Variants in PSMA8 observed in about 807,000 individuals in gnomAD.
PSMA8 encodes proteasome subunit alpha-type 8.
A neutral mutation model predicts 32.4 loss-of-function variants in PSMA8; 18 were observed. The ratio of observed to expected loss-of-function variants is 0.56; its 90% confidence interval spans 0.38 to 0.82. The LOEUF (loss-of-function observed/expected upper bound fraction) is 0.82, where lower values mean the gene tolerates loss of function less well. Ranked by LOEUF, PSMA8 falls within the 40% of genes least tolerant of loss-of-function variation. The pLI, the probability that PSMA8 is intolerant of heterozygous loss-of-function variation, is 0.00. For synonymous variants in PSMA8, 104 were observed against 98.1 expected, an observed-to-expected ratio of 1.06 and a Z score of -0.36; for missense variants, 298 against 300.7, an observed-to-expected ratio of 0.99 and a Z score of 0.07.
At chr18:26,157,322 G>C (rs2055097844) in intron 3 of PSMA8, among the ~76,000 whole-genome samples, 1 of 151,650 alleles carries the variant, frequency 6.6e-6, no homozygotes, top group Non-Finnish European at 1.5e-5. Flanking sequence ...GGAGGCCAGG[G>C]CAGGCAGATC....
At chr18:26,188,723 C>T (rs2055377031) in intron 6 of PSMA8, among the ~76,000 whole-genome samples, 1 of 152,054 alleles carries the variant, frequency 6.6e-6, no homozygotes, top group Admixed American at 6.6e-5. Context: ...GACAGAGGTG[C>T]TAAGAACATA....
chr18:26,158,132 A>G lies in PSMA8; in HGVS notation c.365A>G (p.Gln122Arg), dbSNP rs986973588. ...FIATLKQKYT[Q>R]SNGRRPFGIS... Reference sequence around the variant, plus strand: ...GTTTTATTTTTCTAGAAATATACCCAAAGCAATGGACGAAGACCTTTTGGT... The same window carrying G: ...GTTTTATTTTTCTAGAAATATACCCGAAGCAATGGACGAAGACCTTTTGGT... The change falls in exon 4 of 7, where the codon CAA (glutamine) becomes CGA (arginine). Residue 122 changes from glutamine (Q) to arginine (R), a missense_variant. By Grantham distance (43) the Gln-to-Arg change is conservative. Transcript: ENST00000415576. 6.3e-7 allele frequency: 1 copy of G among 1,586,640 alleles called. No homozygotes were observed. The highest frequency in any genetic ancestry group is 1.3e-5 in the African/African-American group (1 of 74,256).
intron 4 of PSMA8, among the ~76,000 whole-genome samples, chr18:26,165,021 G>T (rs1391546627): frequency 2.6e-5 from 4 of 151,946 alleles, no homozygotes; most frequent in Non-Finnish European, 4.4e-5. Flanking sequence ...AGGTTCAAGC[G>T]ATTCTTCTGC....
At chr18:26,190,156 G>A (rs2055389829) in intron 6 of PSMA8, among the ~76,000 whole-genome samples, 1 of 152,090 alleles carries the variant, frequency 6.6e-6, no homozygotes, top group African/African-American at 2.4e-5. Flanking sequence ...AAGGGTAGTG[G>A]GGGGCAGGGG....
Position 26,158,056 on chromosome 18 carries a change from TTTA to T in PSMA8, c.355-59_355-57del, listed in dbSNP as rs369479072. 279 of 1,134,000 alleles carry T rather than the reference TTTA, an allele frequency of 2.5e-4. No homozygotes were observed. In the African/African-American group the frequency reaches 3.6e-3, roughly 14 times the overall value. The allele number at this position is 1,134,000 out of a possible 1,614,324, so 70.2% of individuals were successfully genotyped here. ...AAGTGGATCATTTGGGCAGCAATGC[TTTA>T]TTATTAGAATTTTTATTTTGTAACT... On this transcript the variant is annotated intron_variant, in intron 3 of 6. Transcript: ENST00000415576.
At chr18:26,184,577 A>C (rs143655837) in intron 6 of PSMA8, among the ~76,000 whole-genome samples, 6 of 149,478 alleles carry the variant, frequency 4.0e-5, no homozygotes, top group African/African-American at 1.5e-4. Context: ...GTTCGAGACC[A>C]GCCTGACCAA....
chr18:26,173,547 G>T (rs970497208), intron 4 of PSMA8, among the ~76,000 whole-genome samples: 5 of 150,908 alleles, frequency 3.3e-5, no homozygotes, highest in African/African-American at 1.2e-4. Context: ...TGAGTGCAGG[G>T]ATTTTTGTCT....
intron 4 of PSMA8, among the ~76,000 whole-genome samples, chr18:26,178,272 T>C (rs1568068795): frequency 6.6e-6 from 1 of 151,984 alleles, no homozygotes; most frequent in Non-Finnish European, 1.5e-5. Context: ...GGAGACATTA[T>C]ATTAATAGAA....
intron 2 of PSMA8, among the ~76,000 whole-genome samples, chr18:26,148,667 A>G (rs2055022468): frequency 6.6e-6 from 1 of 152,186 alleles, no homozygotes; most frequent in African/African-American, 2.4e-5. Flanking sequence ...TCTTAGCCAG[A>G]GCAGTTAGGA....
chr18:26,178,913 T>G lies in PSMA8; in HGVS notation c.561T>G (p.Ser187Arg). Residue 187 changes from serine to arginine, a missense_variant, in exon 5 of 7, where the codon AGT becomes AGG. Transcript: ENST00000415576. ...NYTEDAIASD[S>R]EAIKLAIKAL... ...CAGAAGATGCCATAGCAAGTGACAGTGAAGCTATCAAGTTAGCAATAAAAG... is the reference window on the plus strand; with the variant it reads ...CAGAAGATGCCATAGCAAGTGACAGGGAAGCTATCAAGTTAGCAATAAAAG... 1.2e-6 allele frequency: 2 copies of G among 1,613,756 alleles called. No homozygotes were observed. Among genetic ancestry groups the G allele is most frequent in the Non-Finnish European group, 8.5e-7 (1 of 1,179,728 alleles).
Position 26,179,218 on chromosome 18 carries a change from T to C in PSMA8, c.660+88T>C, listed in dbSNP as rs922817805. On this transcript the variant is annotated intron_variant, in intron 6 of 6. Transcript: ENST00000415576. ...AAGTTGTTGGCCTCTAGGCTTCCGA[T>C]ATAATGTTATCCTTCATTAATGTCA... 9.0e-6 allele frequency: 8 copies of C among 891,122 alleles called. 1 individual carries two copies. The highest frequency in any genetic ancestry group is 1.1e-5 in the Non-Finnish European group (6 of 562,282). The allele number at this position is 891,122 out of a possible 1,614,324, so 55.2% of individuals were successfully genotyped here.
Position 26,192,416 on chromosome 18 carries a change from T to C in PSMA8, c.*5T>C, listed in dbSNP as rs755530570. ...AAATCAAAGAAATCTGTCTAATTCT[T>C]AGGATGACCACTGGGAGGTCTTAAT... On this transcript the variant is annotated 3_prime_UTR_variant, in exon 7 of 7. Transcript: ENST00000415576. 2 of 1,524,940 alleles carry C rather than the reference T, an allele frequency of 1.3e-6. No homozygotes were observed. Among genetic ancestry groups the C allele is most frequent in the South Asian group, 2.7e-5 (2 of 73,882 alleles). The allele number at this position is 1,524,940 out of a possible 1,614,324, so 94.5% of individuals were successfully genotyped here.
rs796899114 is a variant in PSMA8, at chr18:26,139,295, T to C, written c.102+5228T>C. Among the ~76,000 whole-genome samples, 7 of 152,286 alleles carry C rather than the reference T, an allele frequency of 4.6e-5. 1 individual carries two copies. Among genetic ancestry groups the C allele is most frequent in the African/African-American group, 1.7e-4 (7 of 41,560 alleles). On this transcript the variant is annotated intron_variant, in intron 1 of 6. Coordinates refer to ENST00000415576, the MANE Select transcript of PSMA8 (RefSeq NM_001025096.2). ...AGGGAAACATTTGTTCAAAATCTAGTAGGGAACTGAGATCCTTAGTCCAAC... is the reference window on the plus strand; with the variant it reads ...AGGGAAACATTTGTTCAAAATCTAGCAGGGAACTGAGATCCTTAGTCCAAC...
intron 4 of PSMA8, among the ~76,000 whole-genome samples, chr18:26,172,480 G>A (rs2055230329): frequency 6.6e-6 from 1 of 152,138 alleles, no homozygotes; most frequent in African/African-American, 2.4e-5. Flanking sequence ...ATAATTTTCT[G>A]ACCCCTAGAC....
chr18:26,156,603 A>T (rs1423742344), intron 3 of PSMA8, among the ~76,000 whole-genome samples: 2 of 151,084 alleles, frequency 1.3e-5, no homozygotes, highest in East Asian at 3.9e-4. Context: ...TGGACACTAA[A>T]AAAGTTGTGT....
At chr18:26,179,609 A>G (rs193048952) in intron 6 of PSMA8, among the ~76,000 whole-genome samples, 8 of 152,302 alleles carry the variant, frequency 5.3e-5, no homozygotes, top group African/African-American at 1.9e-4. Flanking sequence ...CTGGACTACA[A>G]AATAAAATGT....
intron 6 of PSMA8, among the ~76,000 whole-genome samples, chr18:26,188,439 G>A (rs1258310378): frequency 1.3e-5 from 2 of 151,114 alleles, no homozygotes; most frequent in Middle Eastern, 3.4e-3. Flanking sequence ...CAGATTCAAT[G>A]CAATCCCTGC....
intron 1 of PSMA8, among the ~76,000 whole-genome samples, chr18:26,136,942 T>C (rs1373145919): frequency 6.6e-6 from 1 of 152,232 alleles, no homozygotes; most frequent in Non-Finnish European, 1.5e-5. Flanking sequence ...CATTTATAGC[T>C]TGCTGAAAGT....
At chr18:26,150,368 A>C (rs2055035786) in intron 2 of PSMA8, among the ~76,000 whole-genome samples, 1 of 150,040 alleles carries the variant, frequency 6.7e-6, no homozygotes, top group Admixed American at 6.6e-5. Context: ...ACAGGTTTTC[A>C]CTTTGTCACC....
Sources: allele counts gnomAD v4.1 joint callset (sites outside exome capture counted in the v4.1 genomes callset), GRCh38; gene constraint gnomAD v4.1.1; transcripts MANE v1.5; gene names NCBI Gene and HGNC (gene_info 2026-07-23, HGNC 2026-07-21).